The following PALM2AKAP2 variants were observed in gnomAD, a reference collection of about 807,000 sequenced individuals.
PALM2AKAP2 encodes PALM2-AKAP2 fusion protein.
Under a neutral mutation model 71.5 loss-of-function variants are expected in PALM2AKAP2, and 37 were observed. The ratio of observed to expected loss-of-function variants is 0.52; its 90% CI spans 0.40 to 0.68. The LOEUF is 0.68. Among genes scored for constraint, PALM2AKAP2 ranks in the 30% least tolerant of loss-of-function variants. The pLI, the probability that PALM2AKAP2 is intolerant of heterozygous loss-of-function variation, is 0.00. For synonymous variants in PALM2AKAP2, 468 were observed against 478.8 expected, an observed-to-expected ratio of 0.98 and a Z score of 0.29; for missense variants, 1,224 against 1,191.8, an observed-to-expected ratio of 1.03 and a Z score of -0.40.
At chr9:109,906,056 C>A (rs538840585) in intron 3 of PALM2AKAP2, among the ~76,000 whole-genome samples, 1 of 152,154 alleles carries the variant, frequency 6.6e-6, no homozygotes, top group Non-Finnish European at 1.5e-5. Context: ...AGAGGTGCCC[C>A]GTGGTGCCTG....
chr9:109,688,099 T>G (rs1827828353), intron 1 of PALM2AKAP2, among the ~76,000 whole-genome samples: 1 of 152,132 alleles, frequency 6.6e-6, no homozygotes, highest in African/African-American at 2.4e-5. Flanking sequence ...GGATCACAGA[T>G]CACCATAACA....
At chr9:110,098,439 T>C (rs1834915151) in intron 1 of PALM2AKAP2, among the ~76,000 whole-genome samples, 1 of 152,198 alleles carries the variant, frequency 6.6e-6, no homozygotes, top group African/African-American at 2.4e-5. Flanking sequence ...CCTGTGAAAA[T>C]ACTGAAAACT....
At chr9:109,723,575 G>A (rs1408356738) in intron 1 of PALM2AKAP2, among the ~76,000 whole-genome samples, 1 of 152,202 alleles carries the variant, frequency 6.6e-6, no homozygotes, top group East Asian at 1.9e-4. Context: ...ACCCGAGAGG[G>A]CTGCTAAGGG....
At chr9:109,676,335 T>C (rs765290922) in intron 1 of PALM2AKAP2, among the ~76,000 whole-genome samples, 2 of 152,120 alleles carry the variant, frequency 1.3e-5, no homozygotes, top group African/African-American at 2.4e-5. Flanking sequence ...GTGTAGCTAA[T>C]GAGAAAAGTA....
At chr9:109,896,678 G>T (rs1260803639) in intron 3 of PALM2AKAP2, among the ~76,000 whole-genome samples, 2 of 152,074 alleles carry the variant, frequency 1.3e-5, no homozygotes, top group Admixed American at 1.3e-4. Context: ...AAGCATGGTG[G>T]TACATGCCTG....
intron 6 of PALM2AKAP2, among the ~76,000 whole-genome samples, chr9:110,003,216 A>G (rs1227380589): frequency 6.6e-6 from 1 of 151,938 alleles, no homozygotes; most frequent in Non-Finnish European, 1.5e-5. Flanking sequence ...TGTCCCAGAG[A>G]TTCTGGTATG....
At chr9:110,065,587 T>G (rs1160002504) in intron 1 of PALM2AKAP2, among the ~76,000 whole-genome samples, 1 of 152,240 alleles carries the variant, frequency 6.6e-6, no homozygotes, top group Non-Finnish European at 1.5e-5. Flanking sequence ...CATTTTTTAG[T>G]GTCCAGTTTT....
chr9:110,105,943 T>A (rs982771573), intron 1 of PALM2AKAP2, among the ~76,000 whole-genome samples: 2 of 151,916 alleles, frequency 1.3e-5, no homozygotes, highest in African/African-American at 2.4e-5. Context: ...CTAGGCTGTT[T>A]TATATATATA....
At chr9:109,645,491 T>C (rs1427963459) in intron 1 of PALM2AKAP2, among the ~76,000 whole-genome samples, 1 of 151,180 alleles carries the variant, frequency 6.6e-6, no homozygotes, top group Non-Finnish European at 1.5e-5. Context: ...TGAGGATACA[T>C]AGTCATTTTT....
chr9:109,932,125 G>A, intron 6 of PALM2AKAP2, 97 bp downstream of exon 6: 4 of 1,280,788 alleles, frequency 3.1e-6, no homozygotes, highest in Non-Finnish European at 4.2e-6. Flanking sequence ...TCCTTACATA[G>A]GGGGAGCTCA....
chr9:109,647,614 T>C (rs938103050), intron 1 of PALM2AKAP2, among the ~76,000 whole-genome samples: 2 of 152,186 alleles, frequency 1.3e-5, no homozygotes, highest in Admixed American at 1.3e-4. Context: ...AGCCACATTA[T>C]ATATTCATAT....
At chr9:109,702,357 G>A (rs1828074314) in intron 1 of PALM2AKAP2, among the ~76,000 whole-genome samples, 1 of 152,158 alleles carries the variant, frequency 6.6e-6, no homozygotes, top group Non-Finnish European at 1.5e-5. Context: ...GTCCAACAAT[G>A]ATATACTGGA....
intron 2 of PALM2AKAP2, among the ~76,000 whole-genome samples, chr9:110,146,303 C>G (rs991853290): frequency 6.6e-6 from 1 of 152,144 alleles, no homozygotes; most frequent in Non-Finnish European, 1.5e-5. Flanking sequence ...AAAAGCAGAA[C>G]GTTCCCCACC....
At chr9:109,832,771 C>T (rs575758655) in intron 1 of PALM2AKAP2, among the ~76,000 whole-genome samples, 10 of 152,122 alleles carry the variant, frequency 6.6e-5, no homozygotes, top group East Asian at 3.9e-4. Flanking sequence ...ACAGATTATC[C>T]GACACAATTT....
At chr9:109,898,314 A>G (rs1830251365) in intron 3 of PALM2AKAP2, among the ~76,000 whole-genome samples, 1 of 152,254 alleles carries the variant, frequency 6.6e-6, no homozygotes, top group Non-Finnish European at 1.5e-5. Context: ...GTGCACAAAC[A>G]TGTGCTTACA....
intron 1 of PALM2AKAP2, among the ~76,000 whole-genome samples, chr9:110,052,150 C>A (rs900084151): frequency 4.6e-5 from 7 of 152,166 alleles, no homozygotes; most frequent in Non-Finnish European, 7.3e-5. Flanking sequence ...GATCTGCCCG[C>A]CTCGGCCTCC....
At chr9:109,727,476 A>C (rs1282725637) in intron 1 of PALM2AKAP2, among the ~76,000 whole-genome samples, 1 of 41,446 alleles carries the variant, frequency 2.4e-5, no homozygotes, top group Non-Finnish European at 5.6e-5. Context: ...AACAACATTA[A>C]AAAATTATTT....
At chr9:109,800,831 C>T (rs1007216583) in intron 1 of PALM2AKAP2, among the ~76,000 whole-genome samples, 2 of 152,116 alleles carry the variant, frequency 1.3e-5, no homozygotes, top group African/African-American at 4.8e-5. Context: ...CTTTTATAGT[C>T]ACTGGAAACT....
At chr9:110,042,510 C>T (rs1045023974) in intron 7 of PALM2AKAP2, among the ~76,000 whole-genome samples, 24 of 152,218 alleles carry the variant, frequency 1.6e-4, no homozygotes, top group African/African-American at 5.5e-4. Context: ...TGAGAAATGT[C>T]TTACTTTGGA....
Sources: gnomAD v4.1 joint callset for allele counts (sites outside exome capture counted in the v4.1 genomes callset) on GRCh38, gnomAD v4.1.1 for gene constraint, MANE v1.5 for transcripts, NCBI Gene and HGNC (gene_info 2026-07-23, HGNC 2026-07-21) for gene names.